HCN1: variants seen among roughly 807,000 people sequenced by gnomAD.
HCN1 encodes potassium/sodium hyperpolarization-activated cyclic nucleotide-gated channel 1.
HCN1 carries 13 observed loss-of-function variants against 78.9 expected under a neutral mutation model. That is an observed-to-expected ratio of 0.16 (90% CI 0.11 to 0.26). The LOEUF (loss-of-function observed/expected upper bound fraction) is 0.26. Ranked by LOEUF, HCN1 falls within the 10% of genes least tolerant of loss-of-function variation. The probability of loss-of-function intolerance (pLI) is 1.00; values close to 1 mark genes in which losing one functional copy is unlikely to be tolerated. For synonymous variants in HCN1, 552 were observed against 455.5 expected, an observed-to-expected ratio of 1.21 and a Z score of -2.70; for missense variants, 810 against 1,154.3, an observed-to-expected ratio of 0.70 and a Z score of 4.32.
At chr5:45,421,243 T>C (rs1334410699) in intron 3 of HCN1, among the ~76,000 whole-genome samples, 1 of 152,222 alleles carries the variant, frequency 6.6e-6, no homozygotes. Flanking sequence ...TTTGTATTTT[T>C]AGTAGAGACT....
chr5:45,518,195 G>T (rs1742547401), intron 2 of HCN1, among the ~76,000 whole-genome samples: 1 of 152,068 alleles, frequency 6.6e-6, no homozygotes, highest in Non-Finnish European at 1.5e-5. Context: ...TGAAACCATA[G>T]TCTATGATGT....
At chr5:45,675,076 C>A (rs946218241) in intron 1 of HCN1, among the ~76,000 whole-genome samples, 3 of 151,624 alleles carry the variant, frequency 2.0e-5, no homozygotes. Context: ...GAAAATATGA[C>A]TTGATGACCC....
chr5:45,546,027 A>G (rs1299756756), intron 2 of HCN1, among the ~76,000 whole-genome samples: 1 of 152,052 alleles, frequency 6.6e-6, no homozygotes, highest in Non-Finnish European at 1.5e-5. Flanking sequence ...ACTCATTACA[A>G]TGTAAATGAT....
At chr5:45,569,807 G>A (rs1330792675) in intron 2 of HCN1, among the ~76,000 whole-genome samples, 1 of 151,768 alleles carries the variant, frequency 6.6e-6, no homozygotes. Context: ...TAGATTATGT[G>A]GGCATCATTA....
chr5:45,634,483 A>G (rs1745324822), intron 2 of HCN1, among the ~76,000 whole-genome samples: 1 of 152,024 alleles, frequency 6.6e-6, no homozygotes, highest in Non-Finnish European at 1.5e-5. Context: ...CTCATAACCT[A>G]GCAGTCAAGA....
chr5:45,316,486 C>T (rs968383487), intron 5 of HCN1, among the ~76,000 whole-genome samples: 5 of 152,092 alleles, frequency 3.3e-5, no homozygotes, highest in Admixed American at 1.3e-4. Flanking sequence ...TGGAAGCATT[C>T]CCTTTGAAAA....
intron 7 of HCN1, among the ~76,000 whole-genome samples, chr5:45,266,703 GA>G (rs959053144): frequency 2.0e-5 from 3 of 149,870 alleles, no homozygotes; most frequent in Non-Finnish European, 4.4e-5. Flanking sequence ...TGGCATGTGG[GA>G]TTTTTTTTTT....
At chr5:45,293,722 G>A (rs1273710032) in intron 6 of HCN1, among the ~76,000 whole-genome samples, 1 of 151,878 alleles carries the variant, frequency 6.6e-6, no homozygotes, top group African/African-American at 2.4e-5. Context: ...ATTTGGCATT[G>A]ATTCATTTAT....
chr5:45,685,360 G>A (rs754333441), intron 1 of HCN1, among the ~76,000 whole-genome samples: 24 of 152,152 alleles, frequency 1.6e-4, no homozygotes, highest in Non-Finnish European at 3.2e-4. Flanking sequence ...GTTCAATACG[G>A]TAGCATTCTA....
At chr5:45,504,717 C>T (rs1433073797) in intron 2 of HCN1, among the ~76,000 whole-genome samples, 2 of 152,194 alleles carry the variant, frequency 1.3e-5, no homozygotes, top group Non-Finnish European at 2.9e-5. Flanking sequence ...GTCCCACCAA[C>T]AGTGTAAAAG....
At chr5:45,586,157 C>G (rs1163249914) in intron 2 of HCN1, among the ~76,000 whole-genome samples, 1 of 152,130 alleles carries the variant, frequency 6.6e-6, no homozygotes, top group East Asian at 1.9e-4. Flanking sequence ...TTCCTTGAGC[C>G]GCAGCTGGGC....
intron 5 of HCN1, among the ~76,000 whole-genome samples, chr5:45,310,434 T>A (rs1745827447): frequency 6.6e-6 from 1 of 152,124 alleles, no homozygotes; most frequent in Admixed American, 6.6e-5. Context: ...TCACTGATCA[T>A]TAAAGACATG....
intron 3 of HCN1, among the ~76,000 whole-genome samples, chr5:45,405,672 T>G (rs1739904417): frequency 6.6e-6 from 1 of 152,136 alleles, no homozygotes; most frequent in Admixed American, 6.6e-5. Flanking sequence ...CCTCCCAAAG[T>G]GCTGGGATTA....
chr5:45,358,961 TTTC>T (rs1203487272), intron 4 of HCN1, among the ~76,000 whole-genome samples: 1 of 152,128 alleles, frequency 6.6e-6, no homozygotes, highest in Non-Finnish European at 1.5e-5. Context: ...ACTCCATGCC[TTTC>T]TTCTTCTGCT....
intron 2 of HCN1, among the ~76,000 whole-genome samples, chr5:45,483,059 G>A (rs1741688085): frequency 1.3e-5 from 2 of 152,158 alleles, no homozygotes; most frequent in South Asian, 4.1e-4. Flanking sequence ...AAATAGCACA[G>A]CAATGAACAT....
At chr5:45,524,332 T>A (rs1742682929) in intron 2 of HCN1, among the ~76,000 whole-genome samples, 2 of 152,158 alleles carry the variant, frequency 1.3e-5, no homozygotes, top group South Asian at 4.1e-4. Flanking sequence ...TAGGATTGAC[T>A]TGGCGATGAG....
intron 5 of HCN1, among the ~76,000 whole-genome samples, chr5:45,348,903 G>C (rs1027015844): frequency 2.0e-5 from 3 of 152,140 alleles, no homozygotes; most frequent in Non-Finnish European, 4.4e-5. Flanking sequence ...AAGAGACTTA[G>C]ACTCCCACAC....
At chr5:45,646,228 T>C (rs1197584558) in intron 1 of HCN1, among the ~76,000 whole-genome samples, 1 of 152,076 alleles carries the variant, frequency 6.6e-6, no homozygotes, top group African/African-American at 2.4e-5. Context: ...TTTGGTCTGA[T>C]GCTAAAAAGA....
At chr5:45,299,222 A>C (rs979933660) in intron 6 of HCN1, among the ~76,000 whole-genome samples, 5 of 152,022 alleles carry the variant, frequency 3.3e-5, no homozygotes, top group African/African-American at 1.2e-4. Context: ...TGAAAAATGC[A>C]CTTTATTAAG....
Sources: gnomAD v4.1 joint callset for allele counts (sites outside exome capture counted in the v4.1 genomes callset) on GRCh38, gnomAD v4.1.1 for gene constraint, MANE v1.5 for transcripts, NCBI Gene and HGNC (gene_info 2026-07-23, HGNC 2026-07-21) for gene names.